The following KIFC3 variants were observed in gnomAD, a reference collection of about 807,000 sequenced individuals.
KIFC3 encodes kinesin-like protein KIFC3.
Under a neutral mutation model 101.8 loss-of-function variants are expected in KIFC3, and 60 were observed. The observed-to-expected ratio is 0.59, with a 90% confidence interval of 0.48 to 0.73. KIFC3 has a LOEUF of 0.73. KIFC3 is among the 30% of genes least tolerant of loss of function. The probability of loss-of-function intolerance (pLI) is 0.00; values close to 1 mark genes in which losing one functional copy is unlikely to be tolerated. For synonymous variants in KIFC3, 476 were observed against 482.7 expected, an observed-to-expected ratio of 0.99 and a Z score of 0.18; for missense variants, 966 against 1,137.1, an observed-to-expected ratio of 0.85 and a Z score of 2.16.
At chr16:57,834,943 C>A (rs949868781) in intron 1 of KIFC3, among the ~76,000 whole-genome samples, 1 of 152,216 alleles carries the variant, frequency 6.6e-6, no homozygotes, top group African/African-American at 2.4e-5. Context: ...AATAGCTTTT[C>A]CCAAGGAGGT....
intron 1 of KIFC3, among the ~76,000 whole-genome samples, chr16:57,840,206 C>T (rs769757147): frequency 2.0e-5 from 3 of 151,978 alleles, no homozygotes; most frequent in South Asian, 2.1e-4. Context: ...GGCGTGGTGG[C>T]GCGCACCTGT....
intron 1 of KIFC3, among the ~76,000 whole-genome samples, chr16:57,849,296 ATG>A (rs2055999212): frequency 6.6e-6 from 1 of 152,210 alleles, no homozygotes; most frequent in South Asian, 2.1e-4. Flanking sequence ...TCATTCATCA[ATG>A]TATCCCCTAC....
intron 1 of KIFC3, among the ~76,000 whole-genome samples, chr16:57,853,884 C>T (rs528902532): frequency 1.4e-4 from 21 of 152,290 alleles, no homozygotes; most frequent in Admixed American, 7.2e-4. Flanking sequence ...CCACCCTCCT[C>T]GGCCTCCCAA....
intron 1 of KIFC3, among the ~76,000 whole-genome samples, chr16:57,844,602 C>A (rs1262698997): frequency 3.3e-5 from 5 of 152,104 alleles, no homozygotes; most frequent in Non-Finnish European, 1.5e-5. Flanking sequence ...TGCGCCAGTG[C>A]CAGCCGGGGG....
intron 1 of KIFC3, among the ~76,000 whole-genome samples, chr16:57,823,799 G>A (rs1041726092): frequency 5.5e-5 from 8 of 144,526 alleles, no homozygotes; most frequent in Non-Finnish European, 1.2e-4. Context: ...GTGTGTGTGT[G>A]TGTGTTTTTA....
intron 1 of KIFC3, among the ~76,000 whole-genome samples, chr16:57,851,739 G>A (rs1424122153): frequency 7.4e-6 from 1 of 135,594 alleles, no homozygotes; most frequent in Non-Finnish European, 1.6e-5. Flanking sequence ...GCTAATTTTT[G>A]TTGTTGTTGT....
intron 12 of KIFC3, among the ~76,000 whole-genome samples, chr16:57,763,617 A>T (rs2050114769): frequency 6.6e-6 from 1 of 151,808 alleles, no homozygotes. Context: ...GCTCCACCAC[A>T]CCTGGGAGGG....
chr16:57,826,849 G>A lies in KIFC3; in HGVS notation c.109-28567C>T, dbSNP rs368581240. On this transcript the variant is annotated intron_variant, in intron 1 of 2. Coordinates refer to the KIFC3 transcript ENST00000563028. ...GCCACTAGAGTACATACCTCTCACC[G>A]TGGTCATACTCTGGACCTCGGACTC... is the stretch of plus-strand genomic sequence containing the variant. Among the ~76,000 whole-genome samples, 308 of 152,240 alleles carry A rather than the reference G, an allele frequency of 2.0e-3. 4 individuals carry two copies. The highest frequency in any genetic ancestry group is 7.0e-3 in the African/African-American group (291 of 41,538).
At chr16:57,824,839 C>T (rs1285281976) in intron 1 of KIFC3, among the ~76,000 whole-genome samples, 1 of 152,136 alleles carries the variant, frequency 6.6e-6, no homozygotes, top group African/African-American at 2.4e-5. Flanking sequence ...AAGATGGGGT[C>T]TCGCTCTATT....
rs190758553 is a variant in KIFC3 at position 57,780,048 on chromosome 16, T to C, written c.316-7760A>G. 1.5e-4 allele frequency: 23 copies of C among 152,236 alleles called. No individual in the cohort carries two copies. The East Asian group carries it at 4.4e-3, about 29-fold the overall frequency. 9.4% of individuals were successfully genotyped at this position (152,236 alleles called of 1,614,324 possible). A position where few individuals can be genotyped will look rare whatever the true frequency, so the allele number is the denominator to read the frequency against. On this transcript the variant is annotated intron_variant, in intron 3 of 19. Transcript: ENST00000445690. ...AGAACTCACTATCACAAGAACTGCA[T>C]GGAGGAAACCACCCCATGATCCGTT...
chr16:57,769,643 G>C lies in KIFC3; in HGVS notation c.1170C>G (p.Arg390=). Residue 390 remains arginine, a synonymous_variant, in exon 9 of 20, where the codon CGC becomes CGG. Transcript: ENST00000445690. The surrounding 1 kb of genome is among the most constrained non-coding windows in gnomAD (Gnocchi z 4.3). ...NDYNGLKRQV[R]GFPLLLQEAL... is the part of the protein sequence containing the mutation. ...CCTCCTGCAGCAGCAGTGGGAAGCC[G>C]CGCACCTGCCGCTTGAGCCCATTGT... 1 of 1,611,306 alleles carries C rather than the reference G, an allele frequency of 6.2e-7. No individual in the cohort carries two copies. Among genetic ancestry groups the C allele is most frequent in the Non-Finnish European group, 8.5e-7 (1 of 1,179,996 alleles).
chr16:57,845,651 C>T (rs552312893), intron 1 of KIFC3, among the ~76,000 whole-genome samples: 5 of 152,310 alleles, frequency 3.3e-5, no homozygotes, highest in African/African-American at 9.6e-5. Flanking sequence ...AGGAGACTCT[C>T]CCTGATCTCC....
At chr16:57,788,635 C>T (rs2053573264) in intron 3 of KIFC3, 1 of 1,289,516 alleles carries the variant, frequency 7.8e-7, no homozygotes, top group South Asian at 1.2e-5. Context: ...CGCCTGGGGG[C>T]CGGCGCCTGT....
At chr16:57,827,974 T>C (rs2055493671) in intron 1 of KIFC3, among the ~76,000 whole-genome samples, 1 of 152,246 alleles carries the variant, frequency 6.6e-6, no homozygotes, top group Admixed American at 6.5e-5. Context: ...GTTCTATTGT[T>C]GTACCCTCTT....
At position 57,771,232 on chromosome 16, in the gene KIFC3, A is replaced by G. The variant is rs1355630079; in HGVS notation, c.731T>C (p.Ile244Thr). ...SRRLRDSHET[I>T]ASLRAQSPPV... ...TGGGGACTGGGCCCGCAGGCTGGCA[A>G]TGGTCTCGTGGCTGTCACGCAGGCG... The change falls in exon 6 of 20, where the codon ATT becomes ACT. Residue 244 changes from isoleucine to threonine, a missense_variant. Physicochemically the swap from Ile to Thr is moderately conservative, Grantham distance 89. Coordinates refer to ENST00000445690, the MANE Select transcript of KIFC3 (RefSeq NM_001130100.2). The G allele has an allele frequency of 1.9e-6, 3 of 1,612,978 alleles. No homozygotes were observed. Among genetic ancestry groups the G allele is most frequent in the Admixed American group, 3.3e-5 (2 of 60,016 alleles).
chr16:57,760,777 G>A lies in KIFC3; in HGVS notation c.2181C>T (p.Tyr727=). ...CACCACTAAGCGAATCCTGCAGCAG[G>A]TAGGTGAGCTTGGAGTTGCGGAAGG... is the stretch of plus-strand genomic sequence containing the variant. ...HVPFRNSKLT[Y]LLQDSLSGDS... is the part of the protein sequence containing the mutation. Residue 727 remains tyrosine, a synonymous_variant, in exon 16 of 20, where the codon TAC becomes TAT. Transcript: ENST00000445690. The A allele has an allele frequency of 6.2e-7, 1 of 1,613,936 alleles. No homozygotes were observed. Among genetic ancestry groups the A allele is most frequent in the Non-Finnish European group, 8.5e-7 (1 of 1,180,022 alleles).
chr16:57,758,397 G>A lies in KIFC3; in HGVS notation c.*537C>T, dbSNP rs2049387252. ...GCCATAAACACAGCACGGCCCCGTG[G>A]CGGGAGGCCATGCGCCTCCGCACAC... On this transcript the variant is annotated 3_prime_UTR_variant, in exon 20 of 20. Coordinates refer to ENST00000445690, the MANE Select transcript of KIFC3 (RefSeq NM_001130100.2). The A allele has an allele frequency of 2.8e-6, 1 of 351,498 alleles. No homozygotes were observed. The highest frequency in any genetic ancestry group is 4.0e-5 in the Admixed American group (1 of 24,920). 21.8% of individuals were successfully genotyped at this position (351,498 alleles called of 1,614,324 possible).
chr16:57,769,928 G>A lies in KIFC3; in HGVS notation c.967C>T (p.Arg323Trp), dbSNP rs782465504. Residue 323 changes from arginine to tryptophan, a missense_variant, in exon 8 of 20, where the codon CGG (arginine) becomes TGG (tryptophan). Transcript: ENST00000445690. This position sits in a 1 kb window ranked among gnomAD's most constrained non-coding sequence, Gnocchi z 4.3. The stretch of plus-strand genomic sequence containing the variant: ...TCCTCCAGCATCTGCCCATGGGCCC[G>A]CTCCAGCTCTGACTCGTACATGGCA... ...QIAMYESELERAHGQMLEEMQ... is the reference protein window; with the variant it reads ...QIAMYESELEWAHGQMLEEMQ... The A allele has an allele frequency of 3.7e-6, 6 of 1,613,148 alleles. No homozygotes were observed. The highest frequency in any genetic ancestry group is 1.1e-5 in the South Asian group (1 of 91,082).
chr16:57,852,990 C>T (rs1425606154), intron 1 of KIFC3, among the ~76,000 whole-genome samples: 1 of 151,930 alleles, frequency 6.6e-6, no homozygotes, highest in Non-Finnish European at 1.5e-5. Flanking sequence ...TAGTATATTT[C>T]TTTGTACAGA....
Sources: gnomAD v4.1 joint callset for allele counts (sites outside exome capture counted in the v4.1 genomes callset) on GRCh38, gnomAD v4.1.1 for gene constraint, Gnocchi (gnomAD v3.1) non-coding constraint, MANE v1.5 for transcripts, NCBI Gene and HGNC (gene_info 2026-07-23, HGNC 2026-07-21) for gene names.